Variants in NAALADL2 observed in about 807,000 individuals in gnomAD.
NAALADL2 encodes inactive N-acetylated-alpha-linked acidic dipeptidase-like protein 2.
NAALADL2 carries 76 observed loss-of-function variants against 87.2 expected under a neutral mutation model. That is an observed-to-expected ratio of 0.87 (90% CI 0.72 to 1.05). NAALADL2 has a LOEUF of 1.05. NAALADL2 is among the 50% of genes least tolerant of loss of function. The pLI, the probability that NAALADL2 is intolerant of heterozygous loss-of-function variation, is 0.00. For missense variants in NAALADL2, 1,089 were observed against 945.8 expected (o/e 1.15, Z -1.99); for synonymous variants, 354 against 331.0 (o/e 1.07, Z -0.75).
intron 9 of NAALADL2, chr3:175,487,502 G>A (rs1408944980): frequency 2.2e-6 from 1 of 456,420 alleles, no homozygotes; most frequent in African/African-American, 2.0e-5. Flanking sequence ...TGAACTAAGA[G>A]CAGATTTCTG....
rs181074783 is a variant in NAALADL2 at position 175,378,222 on chromosome 3, C to G, written c.1090+53897C>G. Among the ~76,000 whole-genome samples, 9 of 152,082 alleles carry G rather than the reference C, an allele frequency of 5.9e-5. No homozygotes were observed. The East Asian group carries it at 1.7e-3, about 30-fold the overall frequency. ...TCACCCTGGCTCCTGCACCTGCTTA[C>G]CTGTGCGCTCACTCCCACAAGGGGT... On this transcript the variant is annotated intron_variant, in intron 5 of 13. Transcript: ENST00000454872.
chr3:174,937,803 A>G (rs989706198), intron 1 of NAALADL2, among the ~76,000 whole-genome samples: 2 of 152,016 alleles, frequency 1.3e-5, no homozygotes, highest in African/African-American at 4.8e-5. Flanking sequence ...ATTCAAAACT[A>G]GCTTCTTTTT....
chr3:175,166,876 C>T (rs1200304067), intron 2 of NAALADL2, among the ~76,000 whole-genome samples: 1 of 152,060 alleles, frequency 6.6e-6, no homozygotes, highest in East Asian at 1.9e-4. Context: ...TCACCCAATC[C>T]TACTTGCTTT....
At chr3:174,892,444 A>G (rs1730970668) in intron 1 of NAALADL2, among the ~76,000 whole-genome samples, 1 of 148,450 alleles carries the variant, frequency 6.7e-6, no homozygotes, top group South Asian at 2.1e-4. Context: ...GTCAGAGGAA[A>G]CAAACAAACA....
intron 5 of NAALADL2, among the ~76,000 whole-genome samples, chr3:175,381,017 T>C (rs1386194221): frequency 6.6e-6 from 1 of 152,084 alleles, no homozygotes; most frequent in Non-Finnish European, 1.5e-5. Context: ...AGAATATGTC[T>C]CTTTTTTAAC....
At chr3:175,315,697 A>G (rs1220599100) in intron 4 of NAALADL2, among the ~76,000 whole-genome samples, 2 of 152,166 alleles carry the variant, frequency 1.3e-5, no homozygotes, top group Non-Finnish European at 2.9e-5. Flanking sequence ...TCTAGTATAA[A>G]ATTAGAGCTG....
At chr3:175,698,541 G>A (rs570231796) in intron 11 of NAALADL2, among the ~76,000 whole-genome samples, 1 of 142,722 alleles carries the variant, frequency 7.0e-6, no homozygotes, top group South Asian at 2.2e-4. Flanking sequence ...TAGAGTGCAG[G>A]AAGATTGATT....
At chr3:175,256,295 T>G (rs918416351) in intron 3 of NAALADL2, 116 bp from the exon 4 acceptor site, 2 of 964,480 alleles carry the variant, frequency 2.1e-6, no homozygotes, top group Non-Finnish European at 1.5e-6. Context: ...GAGATAGAAT[T>G]AATTCTATAT....
chr3:174,933,675 T>A (rs1443436123), intron 1 of NAALADL2, among the ~76,000 whole-genome samples: 1 of 152,222 alleles, frequency 6.6e-6, no homozygotes, highest in Non-Finnish European at 1.5e-5. Context: ...AGTAACCATT[T>A]TGCTGTATGA....
intron 1 of NAALADL2, among the ~76,000 whole-genome samples, chr3:174,993,195 T>G (rs1348895478): frequency 6.6e-6 from 1 of 151,990 alleles, no homozygotes; most frequent in Non-Finnish European, 1.5e-5. Flanking sequence ...AATGGAATAG[T>G]AAGAGCCGTA....
intron 3 of NAALADL2, among the ~76,000 whole-genome samples, chr3:174,821,765 A>C (rs963903815): frequency 6.6e-6 from 1 of 152,196 alleles, no homozygotes; most frequent in East Asian, 1.9e-4. Flanking sequence ...GGAAGATAAG[A>C]ATATCAGACA....
intron 2 of NAALADL2, among the ~76,000 whole-genome samples, chr3:174,577,454 T>G (rs1715656623): frequency 6.6e-6 from 1 of 152,128 alleles, no homozygotes; most frequent in Admixed American, 6.6e-5. Context: ...TGCATTTGTG[T>G]GGTTTGCCAC....
At chr3:175,795,041 G>A (rs1753291169) in intron 13 of NAALADL2, among the ~76,000 whole-genome samples, 1 of 152,088 alleles carries the variant, frequency 6.6e-6, no homozygotes, top group Non-Finnish European at 1.5e-5. Context: ...TCATATAAAG[G>A]CACTAATCCC....
chr3:175,591,847 A>G (rs112060682), intron 10 of NAALADL2, among the ~76,000 whole-genome samples: 6,296 of 148,994 alleles, frequency 0.042, 479 homozygotes, highest in African/African-American at 0.15. Flanking sequence ...TGCTTTATAT[A>G]TATAACATTG....
intron 11 of NAALADL2, among the ~76,000 whole-genome samples, chr3:175,713,453 T>C (rs974365717): frequency 6.6e-5 from 10 of 152,134 alleles, no homozygotes; most frequent in African/African-American, 2.2e-4. Context: ...CAGAATGTCT[T>C]TTACTGCCCT....
At chr3:174,559,632 A>G (rs1185128388) in intron 2 of NAALADL2, among the ~76,000 whole-genome samples, 1 of 152,190 alleles carries the variant, frequency 6.6e-6, no homozygotes, top group East Asian at 1.9e-4. Flanking sequence ...GAAGTCTGAA[A>G]TTAGGTTGCC....
intron 2 of NAALADL2, among the ~76,000 whole-genome samples, chr3:174,579,055 C>T (rs182312265): frequency 6.6e-6 from 1 of 151,734 alleles, no homozygotes; most frequent in African/African-American, 2.4e-5. Flanking sequence ...ACACAGAGAC[C>T]ACTAACACCT....
chr3:174,960,323 C>T (rs958254621), intron 1 of NAALADL2, among the ~76,000 whole-genome samples: 2 of 152,062 alleles, frequency 1.3e-5, no homozygotes, highest in Non-Finnish European at 2.9e-5. Context: ...AGTTGATAAA[C>T]AACTCTGTCC....
chr3:175,694,697 G>A (rs914197991), intron 11 of NAALADL2, among the ~76,000 whole-genome samples: 3 of 152,060 alleles, frequency 2.0e-5, no homozygotes, highest in Non-Finnish European at 4.4e-5. Flanking sequence ...TCTATGAGAT[G>A]TCCGTAGAAA....
Sources: allele counts gnomAD v4.1 joint callset (sites outside exome capture counted in the v4.1 genomes callset), GRCh38; gene constraint gnomAD v4.1.1; transcripts MANE v1.5; gene names NCBI Gene and HGNC (gene_info 2026-07-23, HGNC 2026-07-21).